Variants in RBFOX1 observed in about 807,000 individuals in gnomAD.
RBFOX1 encodes RNA binding protein fox-1 homolog 1.
Under a neutral mutation model 57.7 loss-of-function variants are expected in RBFOX1, and 8 were observed. The observed-to-expected ratio is 0.14, with a 90% CI of 0.08 to 0.25. The LOEUF (loss-of-function observed/expected upper bound fraction) is 0.25. RBFOX1 is among the 10% of genes least tolerant of loss of function. The pLI is 1.00. For synonymous variants in RBFOX1, 326 were observed against 222.4 expected (o/e 1.47, Z -4.15); for missense variants, 611 against 548.5 (o/e 1.11, Z -1.14).
intron 4 of RBFOX1, among the ~76,000 whole-genome samples, chr16:7,164,637 C>G (rs142897524): frequency 1.8e-4 from 27 of 152,310 alleles, no homozygotes; most frequent in Admixed American, 1.8e-3. Context: ...TCTGTGTATA[C>G]ACACACACAA....
chr16:6,685,356 A>C (rs1373554243), intron 3 of RBFOX1, among the ~76,000 whole-genome samples: 1 of 146,720 alleles, frequency 6.8e-6, no homozygotes, highest in Non-Finnish European at 1.5e-5. Context: ...GCTCACTGCA[A>C]CCTCCGCCTC....
At chr16:6,789,363 A>G (rs559013920) in intron 3 of RBFOX1, among the ~76,000 whole-genome samples, 1 of 152,264 alleles carries the variant, frequency 6.6e-6, no homozygotes, top group African/African-American at 2.4e-5. Context: ...GTATTCCAGA[A>G]TGTTACAATG....
chr16:6,409,331 T>A (rs2093383900), intron 2 of RBFOX1, among the ~76,000 whole-genome samples: 1 of 152,098 alleles, frequency 6.6e-6, no homozygotes, highest in Non-Finnish European at 1.5e-5. Flanking sequence ...GGAGAATCGC[T>A]TGAACCTGGG....
At chr16:6,261,688 T>C (rs2097702411) in intron 1 of RBFOX1, among the ~76,000 whole-genome samples, 7 of 152,104 alleles carry the variant, frequency 4.6e-5, no homozygotes, top group Admixed American at 4.6e-4. Flanking sequence ...ACAGTGGCTT[T>C]TAAAAGTTAA....
chr16:6,631,683 C>T (rs1000118280), intron 2 of RBFOX1, among the ~76,000 whole-genome samples: 2 of 152,000 alleles, frequency 1.3e-5, no homozygotes, highest in East Asian at 1.9e-4. Context: ...ATAAAGAAAA[C>T]AGAACAGAGA....
intron 4 of RBFOX1, among the ~76,000 whole-genome samples, chr16:7,506,355 T>G (rs1021733065): frequency 1.3e-5 from 2 of 152,118 alleles, no homozygotes; most frequent in African/African-American, 4.8e-5. Flanking sequence ...CACTAACAAG[T>G]TGTGTGAGCA....
At chr16:7,703,143 G>C (rs185516112) in intron 14 of RBFOX1, among the ~76,000 whole-genome samples, 157 of 152,304 alleles carry the variant, frequency 1.0e-3, no homozygotes, top group African/African-American at 3.7e-3. Flanking sequence ...TATGCTGTAC[G>C]GTAAGTGTGC....
intron 3 of RBFOX1, among the ~76,000 whole-genome samples, chr16:6,682,849 T>G (rs2058863628): frequency 6.9e-6 from 1 of 145,552 alleles, no homozygotes; most frequent in Admixed American, 6.9e-5. Context: ...AAAGAGAACA[T>G]TTTTGAAAAA....
At chr16:6,445,305 T>C (rs1030177296) in intron 2 of RBFOX1, among the ~76,000 whole-genome samples, 8 of 152,122 alleles carry the variant, frequency 5.3e-5, no homozygotes, top group Non-Finnish European at 1.2e-4. Flanking sequence ...TTGTTACATA[T>C]GTATACATGT....
intron 4 of RBFOX1, among the ~76,000 whole-genome samples, chr16:7,232,959 GTTC>G (rs765730346): frequency 4.0e-5 from 6 of 151,478 alleles, no homozygotes; most frequent in Non-Finnish European, 5.9e-5. Context: ...CTCAAAACTT[GTTC>G]TTCTTTCCCT....
intron 4 of RBFOX1, among the ~76,000 whole-genome samples, chr16:7,056,716 G>C (rs1299212386): frequency 6.6e-6 from 1 of 152,142 alleles, no homozygotes; most frequent in Admixed American, 6.5e-5. Context: ...AGGGATCTTT[G>C]TGCTTGAGTG....
At chr16:6,343,186 G>A (rs563006301) in intron 2 of RBFOX1, among the ~76,000 whole-genome samples, 19 of 152,078 alleles carry the variant, frequency 1.2e-4, no homozygotes, top group African/African-American at 3.6e-4. Context: ...TCAGAAATTC[G>A]GGGAAAAATG....
At chr16:5,734,294 T>C (rs2052492983) in intron 3 of RBFOX1, among the ~76,000 whole-genome samples, 1 of 152,112 alleles carries the variant, frequency 6.6e-6, no homozygotes, top group African/African-American at 2.4e-5. Flanking sequence ...ACCCCACGTC[T>C]ACACAAAATA....
chr16:7,465,779 G>A (rs1307152510), intron 4 of RBFOX1, among the ~76,000 whole-genome samples: 1 of 152,150 alleles, frequency 6.6e-6, no homozygotes, highest in Non-Finnish European at 1.5e-5. Context: ...CTGAACCCCA[G>A]GAATATGCAT....
chr16:7,613,486 C>G (rs1446085301), intron 10 of RBFOX1, among the ~76,000 whole-genome samples: 1 of 152,148 alleles, frequency 6.6e-6, no homozygotes, highest in African/African-American at 2.4e-5. Context: ...GGCCACGGAT[C>G]ACATGACTTG....
At chr16:6,096,976 A>G (rs8063408) in intron 1 of RBFOX1, among the ~76,000 whole-genome samples, 10,716 of 152,016 alleles carry the variant, frequency 0.07, 1,004 homozygotes, top group African/African-American at 0.21. Flanking sequence ...TCCCACCCAA[A>G]TCTTATCTTG....
intron 4 of RBFOX1, among the ~76,000 whole-genome samples, chr16:7,261,595 C>T (rs2094921998): frequency 1.3e-5 from 2 of 152,300 alleles, no homozygotes; most frequent in South Asian, 2.1e-4. Flanking sequence ...CTTCCCTGTG[C>T]AGAGGCAGTA....
chr16:6,013,700 A>T (rs980458602), intron 4 of RBFOX1, among the ~76,000 whole-genome samples: 2 of 152,214 alleles, frequency 1.3e-5, no homozygotes, highest in Admixed American at 6.5e-5. Flanking sequence ...AAAGGAAATA[A>T]TTTTTTATGG....
intron 3 of RBFOX1, among the ~76,000 whole-genome samples, chr16:6,867,026 A>AAAAACTT (rs2060060490): frequency 6.6e-6 from 1 of 152,040 alleles, no homozygotes; most frequent in Admixed American, 6.5e-5. Context: ...TAAAAAAAAA[A>AAAAACTT]AAAAAAACTT....
Sources: gnomAD v4.1 joint callset for allele counts (sites outside exome capture counted in the v4.1 genomes callset) on GRCh38, gnomAD v4.1.1 for gene constraint, MANE v1.5 for transcripts, NCBI Gene and HGNC (gene_info 2026-07-23, HGNC 2026-07-21) for gene names.